Variants in PACRG observed in about 807,000 individuals in gnomAD.
PACRG encodes parkin coregulated, also known as parkin coregulated gene protein.
In PACRG, 29 loss-of-function variants were observed where a neutral mutation model predicts 29.7. The ratio of observed to expected loss-of-function variants is 0.98; its 90% CI spans 0.73 to 1.33. The LOEUF (loss-of-function observed/expected upper bound fraction) is 1.33, where lower values mean the gene tolerates loss of function less well. Ranked by LOEUF, PACRG falls within the 40% of genes most tolerant of loss-of-function variation. PACRG has a pLI of 0.00. For synonymous variants in PACRG, 116 were observed against 118.7 expected (o/e 0.98, Z 0.15); for missense variants, 279 against 316.2 (o/e 0.88, Z 0.89).
At chr6:162,760,766 T>C (rs1206793158) in intron 1 of PACRG, among the ~76,000 whole-genome samples, 1 of 151,888 alleles carries the variant, frequency 6.6e-6, no homozygotes, top group Non-Finnish European at 1.5e-5. Flanking sequence ...GGACGGGCCG[T>C]TGAAGGATTT....
At chr6:162,837,563 A>T (rs561994538) in intron 2 of PACRG, among the ~76,000 whole-genome samples, 2 of 152,298 alleles carry the variant, frequency 1.3e-5, no homozygotes, top group East Asian at 3.9e-4. Flanking sequence ...CATAATTTTT[A>T]GTTGGATTTG....
intron 4 of PACRG, among the ~76,000 whole-genome samples, chr6:163,120,439 T>TTTAGCTCCCA (rs1182742505): frequency 1.3e-5 from 2 of 152,234 alleles, no homozygotes; most frequent in Admixed American, 1.3e-4. Flanking sequence ...GGTGAGGCAT[T>TTTAGCTCCCA]TTAGCTCCCA....
intron 1 of PACRG, among the ~76,000 whole-genome samples, chr6:162,762,992 A>G (rs1036404890): frequency 1.3e-5 from 2 of 152,330 alleles, no homozygotes; most frequent in Admixed American, 6.5e-5. Flanking sequence ...ACATCCACTC[A>G]AATGCACGTG....
chr6:163,267,934 G>C (rs2128178005), intron 4 of PACRG, among the ~76,000 whole-genome samples: 1 of 152,288 alleles, frequency 6.6e-6, no homozygotes, highest in African/African-American at 2.4e-5. Flanking sequence ...TTTTAATTCT[G>C]AGAAGAATTT....
At chr6:163,063,824 C>T (rs2128267360) in intron 3 of PACRG, among the ~76,000 whole-genome samples, 1 of 152,248 alleles carries the variant, frequency 6.6e-6, no homozygotes, top group Non-Finnish European at 1.5e-5. Context: ...TTGCCTCATC[C>T]ACAGCTGCAG....
intron 4 of PACRG, among the ~76,000 whole-genome samples, chr6:163,154,944 A>G (rs1256268802): frequency 6.6e-6 from 1 of 151,434 alleles, no homozygotes; most frequent in Non-Finnish European, 1.5e-5. Flanking sequence ...CTTAGAGGAG[A>G]TGAGCACTTT....
chr6:163,141,577 C>T (rs1168202016), intron 4 of PACRG, among the ~76,000 whole-genome samples: 1 of 150,382 alleles, frequency 6.6e-6, no homozygotes, highest in Non-Finnish European at 1.5e-5. Context: ...ATGGAATTTC[C>T]ATACCTAAAA....
intron 4 of PACRG, among the ~76,000 whole-genome samples, chr6:163,208,730 C>A (rs1476425389): frequency 6.6e-6 from 1 of 152,130 alleles, no homozygotes; most frequent in Admixed American, 6.5e-5. Flanking sequence ...GAGAAAGGAA[C>A]ACTTTAGACA....
chr6:163,045,198 G>T (rs927236519), intron 2 of PACRG, among the ~76,000 whole-genome samples: 1 of 152,134 alleles, frequency 6.6e-6, no homozygotes, highest in African/African-American at 2.4e-5. Flanking sequence ...CACTGGCTCA[G>T]GTCTTCCCTC....
At chr6:162,977,015 T>G (rs1221209878) in intron 2 of PACRG, among the ~76,000 whole-genome samples, 9 of 152,032 alleles carry the variant, frequency 5.9e-5, no homozygotes, top group Admixed American at 5.9e-4. Context: ...AAGAAAAATA[T>G]AGCGAGAAAC....
intron 1 of PACRG, among the ~76,000 whole-genome samples, chr6:162,763,611 G>C (rs1782551244): frequency 6.6e-6 from 1 of 152,092 alleles, no homozygotes; most frequent in Non-Finnish European, 1.5e-5. Flanking sequence ...TTCAACTATT[G>C]ATAAGCTAAT....
intron 4 of PACRG, among the ~76,000 whole-genome samples, chr6:163,312,531 G>T (rs1328733240): frequency 1.1e-5 from 1 of 93,006 alleles, no homozygotes; most frequent in African/African-American, 3.1e-5. Context: ...GAGCCACCGG[G>T]CTTCATCTCC....
chr6:162,789,534 A>C (rs552961800), intron 1 of PACRG, among the ~76,000 whole-genome samples: 4 of 152,194 alleles, frequency 2.6e-5, no homozygotes, highest in Non-Finnish European at 5.9e-5. Context: ...AGTTTCACTA[A>C]GGATCATTTT....
chr6:163,175,468 C>T (rs1002699929), intron 4 of PACRG, among the ~76,000 whole-genome samples: 1 of 151,912 alleles, frequency 6.6e-6, no homozygotes, highest in Non-Finnish European at 1.5e-5. Flanking sequence ...CACTCCCCCC[C>T]AGCCACCTGT....
chr6:163,273,273 G>A (rs1225182377), intron 4 of PACRG, among the ~76,000 whole-genome samples: 1 of 152,080 alleles, frequency 6.6e-6, no homozygotes, highest in African/African-American at 2.4e-5. Flanking sequence ...TTGGTCTATT[G>A]TTTGTTCTCT....
At chr6:162,787,578 G>GTATCTATATA (rs1408657404) in intron 1 of PACRG, among the ~76,000 whole-genome samples, 11 of 51,454 alleles carry the variant, frequency 2.1e-4, no homozygotes, top group South Asian at 2.1e-3. Flanking sequence ...GTGTGTGTGT[G>GTATCTATATA]TGTGTATATA....
intron 2 of PACRG, among the ~76,000 whole-genome samples, chr6:163,052,880 A>G (rs900478717): frequency 6.6e-6 from 1 of 152,188 alleles, no homozygotes; most frequent in African/African-American, 2.4e-5. Flanking sequence ...AAGGTCACAT[A>G]GTAGGTACTA....
upstream of PACRG, chr6:162,727,775 C>T (rs886061239): frequency 2.5e-4 from 292 of 1,183,182 alleles, 1 homozygote; most frequent in Non-Finnish European, 2.9e-4. Context: ...CTCCAGGCCT[C>T]CCCGCCCCCG....
At chr6:162,814,643 C>G (rs747947170) in intron 2 of PACRG, among the ~76,000 whole-genome samples, 2 of 152,134 alleles carry the variant, frequency 1.3e-5, no homozygotes, top group Non-Finnish European at 2.9e-5. Context: ...CAGATTTCAC[C>G]TTCCTGCAGG....
Sources: allele counts gnomAD v4.1 joint callset (sites outside exome capture counted in the v4.1 genomes callset), GRCh38; gene constraint gnomAD v4.1.1; transcripts MANE v1.5; gene names NCBI Gene and HGNC (gene_info 2026-07-23, HGNC 2026-07-21).